Variants in FAM171A1 observed in about 807,000 individuals in gnomAD.
FAM171A1 encodes family with sequence similarity 171 member A1, also known as protein FAM171A1.
In FAM171A1, 23 loss-of-function variants were observed where a neutral mutation model predicts 74.9. That is an observed-to-expected ratio of 0.31 (90% confidence interval 0.22 to 0.44). The LOEUF (loss-of-function observed/expected upper bound fraction) is 0.44, where lower values mean the gene tolerates loss of function less well. Ranked by LOEUF, FAM171A1 falls within the 20% of genes least tolerant of loss-of-function variation. FAM171A1 has a pLI of 1.00. For missense variants in FAM171A1, 1,162 were observed against 1,159.2 expected (o/e 1.00, Z -0.03); for synonymous variants, 527 against 505.7 (o/e 1.04, Z -0.57).
At chr10:15,369,048 A>C (rs993232647) in intron 1 of FAM171A1, among the ~76,000 whole-genome samples, 2 of 152,112 alleles carry the variant, frequency 1.3e-5, no homozygotes, top group South Asian at 4.2e-4. Context: ...CTCCCACTCC[A>C]ACCATACCCT....
chr10:15,219,438 T>C (rs1588493829), intron 6 of FAM171A1, among the ~76,000 whole-genome samples: 1 of 152,234 alleles, frequency 6.6e-6, no homozygotes, highest in East Asian at 1.9e-4. Flanking sequence ...GGCATTTATT[T>C]TAGTGCTTAA....
At chr10:15,344,725 C>T (rs963613085) in intron 1 of FAM171A1, among the ~76,000 whole-genome samples, 1 of 152,018 alleles carries the variant, frequency 6.6e-6, no homozygotes, top group Non-Finnish European at 1.5e-5. Flanking sequence ...GGATAACAGC[C>T]CCAAAATAAA....
intron 5 of FAM171A1, among the ~76,000 whole-genome samples, chr10:15,248,341 A>G (rs916075317): frequency 2.0e-5 from 3 of 152,190 alleles, no homozygotes; most frequent in African/African-American, 7.2e-5. Context: ...GAATAAAAGG[A>G]TGAAGATTAG....
At chr10:15,364,373 C>T (rs1368189955) in intron 1 of FAM171A1, among the ~76,000 whole-genome samples, 1 of 152,120 alleles carries the variant, frequency 6.6e-6, no homozygotes, top group African/African-American at 2.4e-5. Context: ...GGTGGGTGTC[C>T]TTGAGGTGGT....
intron 5 of FAM171A1, among the ~76,000 whole-genome samples, chr10:15,235,956 G>A (rs1039762728): frequency 2.0e-5 from 3 of 152,134 alleles, no homozygotes; most frequent in African/African-American, 4.8e-5. Context: ...AAAGAGCCAC[G>A]GTGTTCAGCC....
intron 2 of FAM171A1, among the ~76,000 whole-genome samples, chr10:15,280,997 G>C (rs1306044402): frequency 6.6e-6 from 1 of 152,214 alleles, no homozygotes; most frequent in African/African-American, 2.4e-5. Flanking sequence ...GGGCCTGATG[G>C]GAGGTGATTG....
intron 6 of FAM171A1, 46 bp downstream of exon 6, chr10:15,220,898 C>G: frequency 6.9e-7 from 1 of 1,458,800 alleles, no homozygotes. Context: ...CCCTCAAAGA[C>G]CAAAGCAACT....
chr10:15,356,380 T>C (rs762546491), intron 1 of FAM171A1, among the ~76,000 whole-genome samples: 30 of 152,010 alleles, frequency 2.0e-4, no homozygotes, highest in Non-Finnish European at 3.7e-4. Flanking sequence ...ACAACCAATT[T>C]GGGAAAAAGT....
chr10:15,337,734 AG>A (rs753295553), intron 1 of FAM171A1, among the ~76,000 whole-genome samples: 61 of 152,202 alleles, frequency 4.0e-4, no homozygotes, highest in Non-Finnish European at 8.1e-4. Flanking sequence ...GGATCACTTG[AG>A]ATCGGGAATT....
At chr10:15,219,860 G>A (rs1201845268) in intron 6 of FAM171A1, among the ~76,000 whole-genome samples, 1 of 152,188 alleles carries the variant, frequency 6.6e-6, no homozygotes, top group Non-Finnish European at 1.5e-5. Context: ...GATTACAGGC[G>A]TGAGCCACCG....
intron 1 of FAM171A1, among the ~76,000 whole-genome samples, chr10:15,346,256 TG>T (rs1330938387): frequency 6.6e-6 from 1 of 152,116 alleles, no homozygotes; most frequent in African/African-American, 2.4e-5. Flanking sequence ...TCACCATGCC[TG>T]GTTAATTTAT....
At chr10:15,269,036 T>TCAAACAAACAAA (rs34821162) in intron 3 of FAM171A1, among the ~76,000 whole-genome samples, 1 of 150,602 alleles carries the variant, frequency 6.6e-6, no homozygotes, top group Non-Finnish European at 1.5e-5. Flanking sequence ...AGACTCTGTC[T>TCAAACAAACAAA]CAAACAAACA....
chr10:15,372,358 T>C (rs974045040), upstream of FAM171A1, among the ~76,000 whole-genome samples: 6 of 152,222 alleles, frequency 3.9e-5, no homozygotes, highest in East Asian at 1.2e-3. Context: ...AAAATTCTAA[T>C]AAAACAGTCA....
chr10:15,310,250 T>A (rs982793654), intron 1 of FAM171A1, among the ~76,000 whole-genome samples: 1 of 152,174 alleles, frequency 6.6e-6, no homozygotes, highest in African/African-American at 2.4e-5. Context: ...AACAGCATCT[T>A]TTTTATGTAT....
At chr10:15,257,017 A>G (rs1372688120) in intron 3 of FAM171A1, among the ~76,000 whole-genome samples, 1 of 152,170 alleles carries the variant, frequency 6.6e-6, no homozygotes, top group East Asian at 1.9e-4. Flanking sequence ...CGGCTAAATA[A>G]TGCTGCTGAT....
intron 5 of FAM171A1, among the ~76,000 whole-genome samples, chr10:15,238,016 T>C (rs767177073): frequency 6.6e-6 from 1 of 152,228 alleles, no homozygotes; most frequent in South Asian, 2.1e-4. Context: ...AACTACGGCA[T>C]CTATTCTTTT....
chr10:15,299,450 T>A (rs12411422), intron 1 of FAM171A1, among the ~76,000 whole-genome samples: 2 of 152,134 alleles, frequency 1.3e-5, no homozygotes, highest in Non-Finnish European at 2.9e-5. Flanking sequence ...TCCAGGTCTG[T>A]CTTTATCTAT....
chr10:15,272,234 G>T (rs977897917), intron 3 of FAM171A1, among the ~76,000 whole-genome samples: 2 of 152,054 alleles, frequency 1.3e-5, no homozygotes, highest in African/African-American at 4.8e-5. Flanking sequence ...AAAAGCAGGG[G>T]TTGCAATCCT....
intron 1 of FAM171A1, among the ~76,000 whole-genome samples, chr10:15,292,337 C>G (rs532621054): frequency 6.6e-6 from 1 of 152,204 alleles, no homozygotes; most frequent in African/African-American, 2.4e-5. Context: ...CCTCCCAAAC[C>G]TGTCCTGATA....
Sources: allele counts gnomAD v4.1 joint callset (sites outside exome capture counted in the v4.1 genomes callset), GRCh38; gene constraint gnomAD v4.1.1; transcripts MANE v1.5; gene names NCBI Gene and HGNC (gene_info 2026-07-23, HGNC 2026-07-21).